The following CERS4 variants were observed in gnomAD, a reference collection of about 807,000 sequenced individuals.
CERS4 encodes the protein LAG1 homolog, ceramide synthase 4.
CERS4 carries 65 observed loss-of-function variants against 51.8 expected under a neutral mutation model. The observed-to-expected ratio is 1.26, with a 90% CI of 1.03 to 1.54. CERS4 has a LOEUF of 1.54. Ranked by LOEUF, CERS4 falls within the 40% of genes most tolerant of loss-of-function variation. CERS4 has a pLI of 0.00. For synonymous variants in CERS4, 228 were observed against 208.4 expected (o/e 1.09, Z -0.81); for missense variants, 563 against 500.4 (o/e 1.13, Z -1.19).
At chr19:8,224,596 G>A (rs1967708281) in intron 2 of CERS4, among the ~76,000 whole-genome samples, 1 of 152,134 alleles carries the variant, frequency 6.6e-6, no homozygotes, top group Non-Finnish European at 1.5e-5. Flanking sequence ...ATTACTGGTA[G>A]GGAATGGCAT....
intron 7 of CERS4, 66 bp downstream of exon 7, chr19:8,256,352 G>A (rs2145320646): frequency 1.9e-6 from 3 of 1,565,990 alleles, no homozygotes; most frequent in Non-Finnish European, 2.6e-6. Context: ...CTGCAGCCAT[G>A]GGCATGGGAC....
chr19:8,252,914 C>T (rs1043884455), intron 3 of CERS4, among the ~76,000 whole-genome samples: 2 of 152,178 alleles, frequency 1.3e-5, no homozygotes, highest in Non-Finnish European at 2.9e-5. Flanking sequence ...CACCTGCTCA[C>T]AGTGTCACCT....
intron 2 of CERS4, among the ~76,000 whole-genome samples, chr19:8,225,442 CAA>C (rs1424628711): frequency 8.9e-5 from 11 of 123,850 alleles, no homozygotes; most frequent in Non-Finnish European, 1.8e-4. Context: ...TTTTTTGAGA[CAA>C]AGTCTCACTC....
At chr19:8,247,491 C>A (rs1262911832) in intron 2 of CERS4, among the ~76,000 whole-genome samples, 1 of 152,106 alleles carries the variant, frequency 6.6e-6, no homozygotes, top group Non-Finnish European at 1.5e-5. Flanking sequence ...GTGATCGTAG[C>A]TCCCTGCAGC....
At chr19:8,226,653 C>T (rs1370034219) in intron 2 of CERS4, among the ~76,000 whole-genome samples, 1 of 152,112 alleles carries the variant, frequency 6.6e-6, no homozygotes, top group Non-Finnish European at 1.5e-5. Flanking sequence ...TGCCTGTAAT[C>T]CCAGCACTTT....
chr19:8,246,080 G>A (rs992000797), intron 2 of CERS4, among the ~76,000 whole-genome samples: 3 of 149,460 alleles, frequency 2.0e-5, no homozygotes, highest in Non-Finnish European at 4.5e-5. Flanking sequence ...GTGAGACCCT[G>A]TCTAAACAAC....
At chr19:8,247,145 G>A (rs748752239) in intron 2 of CERS4, among the ~76,000 whole-genome samples, 7 of 152,118 alleles carry the variant, frequency 4.6e-5, no homozygotes, top group African/African-American at 7.2e-5. Context: ...CAGGCTGGGC[G>A]GCAGAGTGAG....
At chr19:8,218,566 G>T (rs1967400491) in intron 2 of CERS4, among the ~76,000 whole-genome samples, 1 of 152,132 alleles carries the variant, frequency 6.6e-6, no homozygotes, top group African/African-American at 2.4e-5. Context: ...GTTCGGCCAG[G>T]TCACAAAGGC....
chr19:8,242,033 C>G (rs1161029212), intron 2 of CERS4, among the ~76,000 whole-genome samples: 1 of 152,176 alleles, frequency 6.6e-6, no homozygotes, highest in Admixed American at 6.6e-5. Context: ...ATAGCCATGC[C>G]TGAGCCCCTC....
chr19:8,256,499 G>T, intron 7 of CERS4, 119 bp from the exon 8 acceptor site: 3 of 1,059,654 alleles, frequency 2.8e-6, no homozygotes, highest in Non-Finnish European at 4.2e-6. Context: ...GGGATGGGGA[G>T]CTCACTCATT....
chr19:8,235,291 A>G lies in CERS4; in HGVS notation c.-1-15785A>G, dbSNP rs186237312. On this transcript the variant is annotated intron_variant, in intron 2 of 11. Transcript: ENST00000251363. Reference sequence around the variant, plus strand: ...CAAAGTGCTGGGATTACAGGCGTGAACGACCGCACCTGGCATAATAGGGAC... The same window carrying G: ...CAAAGTGCTGGGATTACAGGCGTGAGCGACCGCACCTGGCATAATAGGGAC... Among the ~76,000 whole-genome samples, 305 of 140,960 alleles carry G rather than the reference A, an allele frequency of 2.2e-3. 1 individual carries two copies. The highest frequency in any genetic ancestry group is 7.7e-3 in the African/African-American group (299 of 38,632). 92.5% of individuals were successfully genotyped at this position (140,960 alleles called of 152,430 possible). A position where few individuals can be genotyped will look rare whatever the true frequency, so the allele number is the denominator to read the frequency against.
In CERS4 at chr19:8,251,120, GGTT is replaced by G. The variant is rs766032105; in HGVS notation, c.45_47del (p.Trp15_Leu16delinsTer). ...GAGTGGTTTTGGCAGGACAGGTTCT[GGTT>G]ACCACCCAATGTCACGTGGACAGAG... On this transcript the variant is annotated stop_gained and inframe_deletion, in exon 3 of 12. Transcript: ENST00000251363. LOFTEE classifies it high-confidence loss of function. 1.2e-6 allele frequency: 2 copies of G among 1,611,668 alleles called. No individual in the cohort carries two copies. The highest frequency in any genetic ancestry group is 1.7e-6 in the Non-Finnish European group (2 of 1,179,130).
chr19:8,259,905 A>T (rs1414902446), intron 10 of CERS4, among the ~76,000 whole-genome samples: 1 of 152,148 alleles, frequency 6.6e-6, no homozygotes, highest in East Asian at 1.9e-4. Context: ...GAGGAAGAAC[A>T]GGGCCCATGG....
chr19:8,238,135 C>G (rs1968357832), intron 2 of CERS4, among the ~76,000 whole-genome samples: 1 of 152,042 alleles, frequency 6.6e-6, no homozygotes, highest in Non-Finnish European at 1.5e-5. Context: ...TCTCTCCTCC[C>G]TCACGGACCT....
chr19:8,261,359 AAGGGGAGGTGATGG>A (rs1969693733), intron 10 of CERS4: 1 of 303,190 alleles, frequency 3.3e-6, no homozygotes, highest in African/African-American at 2.1e-5. Context: ...CCTGCTGATG[AAGGGGAGGTGATGG>A]GGGTCTGAGG....
At chr19:8,245,755 GTCTCAAACTCC>G (rs1253745796) in intron 2 of CERS4, among the ~76,000 whole-genome samples, 1 of 151,676 alleles carries the variant, frequency 6.6e-6, no homozygotes, top group African/African-American at 2.4e-5. Context: ...GGCCAGGCTG[GTCTCAAACTCC>G]TGATCGCAAG....
In CERS4 at chr19:8,259,749, G is replaced by C. The variant is rs551586586; in HGVS notation, c.848+1764G>C. The stretch of plus-strand genomic sequence containing the variant: ...CATGGAGAAGGCAGTGGGCATGCCA[G>C]TCTGGGCTTCTGGGGAAAGAGGTAA... On this transcript the variant is annotated intron_variant, in intron 10 of 11. Coordinates refer to ENST00000251363, the MANE Select transcript of CERS4 (RefSeq NM_024552.3). Among the ~76,000 whole-genome samples the C allele has an allele frequency of 2.0e-3, 309 of 152,264 alleles. 2 individuals are homozygous for C. The highest frequency in any genetic ancestry group is 6.8e-3 in the African/African-American group (283 of 41,540).
At chr19:8,254,437 C>G (rs1969260458) in intron 3 of CERS4, 62 bp from the exon 4 acceptor site, 1 of 1,508,930 alleles carries the variant, frequency 6.6e-7, no homozygotes, top group Non-Finnish European at 9.2e-7. Flanking sequence ...ATGTCTGCCC[C>G]CACACACAGG....
chr19:8,257,604 A>T (rs748876545), intron 9 of CERS4, among the ~76,000 whole-genome samples: 1 of 151,882 alleles, frequency 6.6e-6, no homozygotes, highest in Admixed American at 6.6e-5. Context: ...TAACTTTTGT[A>T]TTTGTAGTAG....
Sources: allele counts gnomAD v4.1 joint callset (sites outside exome capture counted in the v4.1 genomes callset), GRCh38; gene constraint gnomAD v4.1.1; transcripts MANE v1.5; gene names NCBI Gene and HGNC (gene_info 2026-07-23, HGNC 2026-07-21).